Variants in NOS3 observed in about 807,000 individuals in gnomAD.
NOS3 encodes NOS type III.
Under a neutral mutation model 144.9 loss-of-function variants are expected in NOS3, and 98 were observed. That is an observed-to-expected ratio of 0.68 (90% CI 0.57 to 0.80). The LOEUF (loss-of-function observed/expected upper bound fraction) is 0.80, where lower values mean the gene tolerates loss of function less well. Ranked by LOEUF, NOS3 falls within the 30% of genes least tolerant of loss-of-function variation. The pLI is 0.00. For synonymous variants in NOS3, 714 were observed against 702.4 expected (o/e 1.02, Z -0.26); for missense variants, 1,465 against 1,656.4 (o/e 0.88, Z 2.01).
At chr7:151,010,831 C>T in intron 22 of NOS3, 24 bp downstream of exon 22, 2 of 1,606,970 alleles carry the variant, frequency 1.2e-6, no homozygotes, top group Non-Finnish European at 1.7e-6. Flanking sequence ...CAGGAGCAGG[C>T]CTGGCCACAG....
Position 151,010,237 on chromosome 7 carries a change from A to C in NOS3, c.2635A>C (p.Thr879Pro). The stretch of plus-strand genomic sequence containing the variant: ...CCCTCAGCTCTTGCGGCTGCTCAGC[A>C]CCTTGGCAGAAGAGCCCAGGGAACA... ...PSPQLLRLLS[T>P]LAEEPREQQE... The change falls in exon 21 of 27, where the codon ACC becomes CCC. Residue 879 changes from threonine (T) to proline (P), a missense_variant. Coordinates refer to ENST00000297494, the MANE Select transcript of NOS3 (RefSeq NM_000603.5). The C allele has an allele frequency of 6.2e-7, 1 of 1,612,894 alleles. No individual in the cohort carries two copies. Among genetic ancestry groups the C allele is most frequent in the Non-Finnish European group, 8.5e-7 (1 of 1,179,918 alleles).
rs1391623662 is a variant in NOS3 at position 150,996,822 on chromosome 7, C to G, written c.479C>G (p.Thr160Arg). 1.2e-6 allele frequency: 2 copies of G among 1,611,194 alleles called. No homozygotes were observed. Among genetic ancestry groups the G allele is most frequent in the Non-Finnish European group, 1.7e-6 (2 of 1,179,476 alleles). Residue 160 changes from threonine to arginine, a missense_variant, in exon 5 of 27, where the codon ACA becomes AGA. Around this residue, in one of 5 missense-constraint regions of NOS3, gnomAD observed 374 missense variants for 377.0 expected, o/e 0.99. Coordinates refer to ENST00000297494, the MANE Select transcript of NOS3 (RefSeq NM_000603.5). ...LQEVEAEVAA[T>R]GTYQLRESEL... ...GAGGTGGAAGCCGAGGTGGCAGCCACAGGCACCTACCAGCTTAGGGAGAGC... is the reference window on the plus strand; with the variant it reads ...GAGGTGGAAGCCGAGGTGGCAGCCAGAGGCACCTACCAGCTTAGGGAGAGC...
chr7:151,005,776 G>T (rs1290916115), intron 14 of NOS3, among the ~76,000 whole-genome samples: 1 of 152,212 alleles, frequency 6.6e-6, no homozygotes, highest in Admixed American at 6.5e-5. Flanking sequence ...AAAGACTGAG[G>T]TCATGTTTTG....
At position 151,009,368 on chromosome 7, in the gene NOS3, C is replaced by G. The variant is rs764499455; in HGVS notation, c.2325-30C>G. 5 of 879,426 alleles carry G rather than the reference C, an allele frequency of 5.7e-6. No homozygotes were observed. In the South Asian group the frequency reaches 5.9e-5, roughly 10 times the overall value. The allele number at this position is 879,426 out of a possible 1,614,324, so 54.5% of individuals were successfully genotyped here. A position where few individuals can be genotyped will look rare whatever the true frequency, so the allele number is the denominator to read the frequency against. On this transcript the variant is annotated intron_variant, in intron 19 of 26. Coordinates refer to ENST00000297494, the MANE Select transcript of NOS3 (RefSeq NM_000603.5). The stretch of plus-strand genomic sequence containing the variant: ...CTCCCGCCCCCACCCCTCTCTGACT[C>G]CCCATAAGTGCCCCTCTCCCCACCC...
At chr7:151,011,100 G>C (rs1407315233) in intron 23 of NOS3, 114 bp downstream of exon 23, 8 of 718,900 alleles carry the variant, frequency 1.1e-5, no homozygotes, top group Non-Finnish European at 2.0e-5. Flanking sequence ...TCTGTAACAT[G>C]TCAAGGGTGT....
At chr7:151,009,132 G>A in intron 18 of NOS3, 57 bp from the exon 19 acceptor site, 2 of 1,613,132 alleles carry the variant, frequency 1.2e-6, no homozygotes, top group Non-Finnish European at 1.7e-6. Flanking sequence ...AAAGCACTCT[G>A]GGGCCAGGCC....
Position 151,003,335 on chromosome 7 carries a change from A to G in NOS3, c.1752+1031A>G. 2 of 796,408 alleles carry G rather than the reference A, an allele frequency of 2.5e-6. No homozygotes were observed. Among genetic ancestry groups the G allele is most frequent in the Non-Finnish European group, 1.8e-6 (1 of 544,710 alleles). The allele number at this position is 796,408 out of a possible 1,614,324, so 49.3% of individuals were successfully genotyped here. A position where few individuals can be genotyped will look rare whatever the true frequency, so the allele number is the denominator to read the frequency against. On this transcript the variant is annotated intron_variant, in intron 14 of 26. Transcript: ENST00000297494. The surrounding 1 kb of genome is among the most constrained non-coding windows in gnomAD (Gnocchi z 4.1). ...GAGATGGGGTTTCGCCATGTTGCCC[A>G]GGCTGGTCTCTAACTCCTGGGTTCA...
At chr7:151,005,142 G>A (rs1253381936) in intron 14 of NOS3, among the ~76,000 whole-genome samples, 9 of 152,164 alleles carry the variant, frequency 5.9e-5, no homozygotes, top group East Asian at 1.9e-4. Context: ...GCCCAGCCAC[G>A]GGTAATGTTT....
chr7:151,003,152 G>A lies in NOS3; in HGVS notation c.1752+848G>A, dbSNP rs540303944. 55 of 452,792 alleles carry A rather than the reference G, an allele frequency of 1.2e-4. No individual in the cohort carries two copies. The highest frequency in any genetic ancestry group is 6.9e-4 in the Admixed American group (29 of 42,314). 28.0% of individuals were successfully genotyped at this position (452,792 alleles called of 1,614,324 possible). ...TTTTTCTTTTTTCCTTTGAGACAGG[G>A]TCTCACTTTGTGGCCCAGGCTGGAG... On this transcript the variant is annotated intron_variant, in intron 14 of 26. Transcript: ENST00000297494. This position sits in a 1 kb window ranked among gnomAD's most constrained non-coding sequence, Gnocchi z 4.1.
intron 10 of NOS3, 118 bp downstream of exon 10, chr7:151,000,717 A>T (rs1795070509): frequency 1.2e-5 from 8 of 695,216 alleles, no homozygotes; most frequent in Admixed American, 6.4e-5. Context: ...CAGGCAGAAG[A>T]AGTTCCGTAG....
At chr7:151,013,515 C>A in intron 25 of NOS3, 136 bp downstream of exon 25, 1 of 1,231,338 alleles carries the variant, frequency 8.1e-7, no homozygotes, top group Non-Finnish European at 1.1e-6. Context: ...CACACTCTGG[C>A]CCACCCTTGT....
chr7:150,993,964 A>G lies in NOS3; in HGVS notation c.158+3A>G. ...CTCCCACCAGCGCCAGAACACAGGTAAGGGCCAGGCAGCTAGGAGCAGGTG... is the reference window on the plus strand; with the variant it reads ...CTCCCACCAGCGCCAGAACACAGGTGAGGGCCAGGCAGCTAGGAGCAGGTG... On this transcript the variant is annotated splice_donor_region_variant and intron_variant, in intron 2 of 26. Transcript: ENST00000297494. The surrounding 1 kb of genome is among the most constrained non-coding windows in gnomAD (Gnocchi z 4.0). The G allele has an allele frequency of 6.4e-7, 1 of 1,558,848 alleles. No homozygotes were observed. The highest frequency in any genetic ancestry group is 8.7e-7 in the Non-Finnish European group (1 of 1,154,888).
Position 151,008,873 on chromosome 7 carries a change from C to T in NOS3, c.2113-57C>T, listed in dbSNP as rs1168973228. On this transcript the variant is annotated intron_variant, in intron 17 of 26. Coordinates refer to ENST00000297494, the MANE Select transcript of NOS3 (RefSeq NM_000603.5). ...ACGCAGTGAAGCCGCCCAGGCGCCT[C>T]ACTAGGGCGACCCCTGGTGGCGGGA... 4.5e-6 allele frequency: 7 copies of T among 1,545,480 alleles called. No individual in the cohort carries two copies. In the African/African-American group the frequency reaches 6.8e-5, roughly 15 times the overall value.
Position 151,001,578 on chromosome 7 carries a change from C to A in NOS3, c.1463C>A (p.Thr488Asn). Residue 488 changes from threonine (T) to asparagine (N), a missense_variant, in exon 12 of 27, where the codon ACC (threonine) becomes AAC (asparagine). By Grantham distance (65) the Thr-to-Asn change is moderately conservative. This residue lies in a region of NOS3 where 745 missense variants were observed against 853.9 expected (regional missense o/e 0.87). Coordinates refer to ENST00000297494, the MANE Select transcript of NOS3 (RefSeq NM_000603.5). ...DPWKGSAAKG[T>N]GITRKKTFKE... Reference sequence around the variant, plus strand: ...TGGAAGGGGAGTGCCGCCAAGGGCACCGGCATCACCAGGAAGAAGACCTTT... The same window carrying A: ...TGGAAGGGGAGTGCCGCCAAGGGCAACGGCATCACCAGGAAGAAGACCTTT... The A allele has an allele frequency of 2.5e-6, 4 of 1,614,014 alleles. No homozygotes were observed. Among genetic ancestry groups the A allele is most frequent in the Non-Finnish European group, 3.4e-6 (4 of 1,180,008 alleles).
chr7:150,995,061 C>T (rs1584895863), intron 2 of NOS3, 142 bp from the exon 3 acceptor site: 2 of 562,616 alleles, frequency 3.6e-6, no homozygotes, highest in African/African-American at 3.8e-5. Context: ...CCTCTAGCTC[C>T]TAAGGCATGG....
chr7:151,007,293 C>T lies in NOS3; in HGVS notation c.2112+17C>T. The stretch of plus-strand genomic sequence containing the variant: ...GCCTTCCAGGTGAGCCCAGCCCAGC[C>T]CCTGCTCTGACTCCTGCCCCCTGGG... On this transcript the variant is annotated intron_variant, in intron 17 of 26. Coordinates refer to ENST00000297494, the MANE Select transcript of NOS3 (RefSeq NM_000603.5). The T allele has an allele frequency of 6.3e-7, 1 of 1,583,136 alleles. No individual in the cohort carries two copies. The highest frequency in any genetic ancestry group is 8.5e-7 in the Non-Finnish European group (1 of 1,169,872).
chr7:151,002,199 G>A lies in NOS3; in HGVS notation c.1648-1G>A. On this transcript the variant is annotated splice_acceptor_variant, in intron 13 of 26. Coordinates refer to ENST00000297494, the MANE Select transcript of NOS3 (RefSeq NM_000603.5). LOFTEE classifies it high-confidence loss of function. This position sits in a 1 kb window ranked among gnomAD's most constrained non-coding sequence, Gnocchi z 4.1. Reference sequence around the variant, plus strand: ...CAGGACATCTGTCTTCCCACCCACAGGTCCTGTGTATGGATGAGTATGACG... The same window carrying A: ...CAGGACATCTGTCTTCCCACCCACAAGTCCTGTGTATGGATGAGTATGACG... The A allele has an allele frequency of 6.3e-7, 1 of 1,585,268 alleles. No homozygotes were observed. Among genetic ancestry groups the A allele is most frequent in the Admixed American group, 1.8e-5 (1 of 56,112 alleles).
rs567879056 is a variant in NOS3, at chr7:151,003,860, A to G, written c.1752+1556A>G. The G allele has an allele frequency of 2.0e-5, 8 of 394,754 alleles. No individual in the cohort carries two copies. Among genetic ancestry groups the G allele is most frequent in the South Asian group, 1.5e-4 (8 of 53,326 alleles). 24.5% of individuals were successfully genotyped at this position (394,754 alleles called of 1,614,324 possible). On this transcript the variant is annotated intron_variant, in intron 14 of 26. Transcript: ENST00000297494. The surrounding 1 kb of genome is among the most constrained non-coding windows in gnomAD (Gnocchi z 4.1). ...GTGAATATCCCCAGTTTGTTTACCC[A>G]TTCTCTTGTTGGTGACACTTGGGCT... is the stretch of plus-strand genomic sequence containing the variant.
chr7:150,995,342 G>T, intron 3 of NOS3, 28 bp downstream of exon 3: 1 of 1,519,462 alleles, frequency 6.6e-7, no homozygotes, highest in Non-Finnish European at 9.1e-7. Flanking sequence ...TGTCCCCATC[G>T]TCTCCAGGGA....
Sources: allele counts gnomAD v4.1 joint callset (sites outside exome capture counted in the v4.1 genomes callset), GRCh38; gene constraint gnomAD v4.1.1; regional missense constraint gnomAD v4.1.1; non-coding constraint Gnocchi (gnomAD v3.1); transcripts MANE v1.5; gene names NCBI Gene and HGNC (gene_info 2026-07-23, HGNC 2026-07-21).